The following TMEM132D variants were observed in gnomAD, a reference collection of about 807,000 sequenced individuals.
TMEM132D encodes the protein mature OL transmembrane protein.
In TMEM132D, 21 loss-of-function variants were observed where a neutral mutation model predicts 62.3. That is an observed-to-expected ratio of 0.34 (90% CI 0.24 to 0.49). TMEM132D has a LOEUF of 0.49. Among genes scored for constraint, TMEM132D ranks in the 20% least tolerant of loss-of-function variants. TMEM132D has a pLI of 0.99. For missense variants in TMEM132D, 1,346 were observed against 1,402.8 expected (o/e 0.96, Z 0.65); for synonymous variants, 621 against 575.6 (o/e 1.08, Z -1.13).
intron 4 of TMEM132D, among the ~76,000 whole-genome samples, chr12:129,222,104 A>G (rs1192891071): frequency 6.6e-6 from 1 of 152,140 alleles, no homozygotes; most frequent in East Asian, 1.9e-4. Flanking sequence ...TGGCACTCAC[A>G]CTAAAATGAA....
chr12:129,223,337 T>C (rs1318573679), intron 4 of TMEM132D, among the ~76,000 whole-genome samples: 3 of 152,092 alleles, frequency 2.0e-5, no homozygotes, highest in Non-Finnish European at 4.4e-5. Context: ...TGGGGGCACT[T>C]GCTCTTGGAA....
intron 1 of TMEM132D, among the ~76,000 whole-genome samples, chr12:129,895,485 A>G (rs1875077645): frequency 6.6e-6 from 1 of 152,172 alleles, no homozygotes; most frequent in African/African-American, 2.4e-5. Flanking sequence ...GTCCACACAG[A>G]CTATGGTTTG....
intron 3 of TMEM132D, among the ~76,000 whole-genome samples, chr12:129,359,989 GA>G (rs1489547439): frequency 1.3e-5 from 2 of 149,780 alleles, no homozygotes; most frequent in Non-Finnish European, 3.0e-5. Flanking sequence ...GTTGCAGTGG[GA>G]AAAAAATGAG....
intron 4 of TMEM132D, among the ~76,000 whole-genome samples, chr12:129,216,685 C>T (rs763826083): frequency 6.6e-6 from 1 of 152,166 alleles, no homozygotes; most frequent in Non-Finnish European, 1.5e-5. Context: ...TGTGTTACTT[C>T]ATCACTTCAG....
intron 5 of TMEM132D, among the ~76,000 whole-genome samples, chr12:129,119,321 C>T (rs1307589151): frequency 6.6e-6 from 1 of 152,190 alleles, no homozygotes; most frequent in African/African-American, 2.4e-5. Flanking sequence ...CACACCCACA[C>T]TCAGACGTTA....
intron 4 of TMEM132D, among the ~76,000 whole-genome samples, chr12:129,284,725 T>C (rs1002571935): frequency 3.9e-5 from 6 of 152,260 alleles, no homozygotes; most frequent in Non-Finnish European, 7.3e-5. Context: ...TGGAATATTA[T>C]TCAGCCATAA....
At chr12:129,326,183 C>T (rs2135646991) in intron 4 of TMEM132D, among the ~76,000 whole-genome samples, 1 of 152,290 alleles carries the variant, frequency 6.6e-6, no homozygotes, top group East Asian at 1.9e-4. Context: ...AGTCAGAATT[C>T]ATCTCTGTTC....
intron 3 of TMEM132D, among the ~76,000 whole-genome samples, chr12:129,391,850 G>A (rs1039192692): frequency 1.5e-4 from 23 of 151,988 alleles, no homozygotes; most frequent in South Asian, 4.1e-4. Context: ...TCTGCCTCCC[G>A]GGTTCAAGTG....
chr12:129,243,754 T>C (rs1013055322), intron 4 of TMEM132D, among the ~76,000 whole-genome samples: 2 of 152,194 alleles, frequency 1.3e-5, no homozygotes, highest in African/African-American at 4.8e-5. Flanking sequence ...GGATTTTCTT[T>C]AGCATGAATG....
chr12:129,309,008 C>A (rs896866924), intron 4 of TMEM132D, among the ~76,000 whole-genome samples: 1 of 152,088 alleles, frequency 6.6e-6, no homozygotes, highest in Admixed American at 6.5e-5. Context: ...CGCCAAACAC[C>A]CTTGGTCTTC....
At chr12:129,901,861 A>AC (rs371570871) in intron 1 of TMEM132D, among the ~76,000 whole-genome samples, 140 of 129,612 alleles carry the variant, frequency 1.1e-3, no homozygotes, top group East Asian at 3.3e-3. Context: ...GTGAGAACCA[A>AC]CCCCCCCCGC....
intron 3 of TMEM132D, among the ~76,000 whole-genome samples, chr12:129,340,546 GA>G (rs1245062500): frequency 6.6e-6 from 1 of 151,578 alleles, no homozygotes; most frequent in Non-Finnish European, 1.5e-5. Context: ...CTATGAGTGA[GA>G]ACATGCGGTG....
chr12:129,583,774 C>T (rs1428613624), intron 2 of TMEM132D, among the ~76,000 whole-genome samples: 1 of 152,196 alleles, frequency 6.6e-6, no homozygotes, highest in Non-Finnish European at 1.5e-5. Flanking sequence ...AAGCATCACC[C>T]AAGTGCAGAA....
intron 3 of TMEM132D, among the ~76,000 whole-genome samples, chr12:129,351,136 T>C (rs1288061286): frequency 6.6e-6 from 1 of 152,194 alleles, no homozygotes; most frequent in Non-Finnish European, 1.5e-5. Flanking sequence ...CGGGGATGGT[T>C]ATGGGCTTGT....
intron 5 of TMEM132D, among the ~76,000 whole-genome samples, chr12:129,096,136 C>T (rs1238695703): frequency 6.6e-6 from 1 of 152,106 alleles, no homozygotes; most frequent in Non-Finnish European, 1.5e-5. Flanking sequence ...TGACAGTAAC[C>T]CAGCAAGGTA....
At chr12:129,472,244 A>T (rs1289003178) in intron 3 of TMEM132D, among the ~76,000 whole-genome samples, 1 of 152,210 alleles carries the variant, frequency 6.6e-6, no homozygotes, top group Non-Finnish European at 1.5e-5. Context: ...TTAGGGGCTA[A>T]TGCCACTGGG....
At chr12:129,568,808 C>A (rs994237929) in intron 2 of TMEM132D, among the ~76,000 whole-genome samples, 2 of 152,088 alleles carry the variant, frequency 1.3e-5, no homozygotes, top group African/African-American at 4.8e-5. Flanking sequence ...TAAAGGAAAA[C>A]CACATTCAAC....
chr12:129,722,397 G>A (rs1204688348), intron 1 of TMEM132D, among the ~76,000 whole-genome samples: 5 of 152,108 alleles, frequency 3.3e-5, no homozygotes, highest in Admixed American at 6.6e-5. Context: ...CCGTCACATC[G>A]GTGTGAAATT....
At chr12:129,761,464 G>A (rs1205708433) in intron 1 of TMEM132D, among the ~76,000 whole-genome samples, 1 of 152,162 alleles carries the variant, frequency 6.6e-6, no homozygotes, top group Non-Finnish European at 1.5e-5. Flanking sequence ...TTGGCAGAAC[G>A]AGCCATTCCC....
Sources: gnomAD v4.1 joint callset for allele counts (sites outside exome capture counted in the v4.1 genomes callset) on GRCh38, gnomAD v4.1.1 for gene constraint, MANE v1.5 for transcripts, NCBI Gene and HGNC (gene_info 2026-07-23, HGNC 2026-07-21) for gene names.